The following UST variants were observed in gnomAD, a reference collection of about 807,000 sequenced individuals.
The protein encoded by UST is uronyl 2-sulfotransferase, also known as chondroitin sulfate 2-O-sulfotransferase.
UST carries 21 observed loss-of-function variants against 45.6 expected under a neutral mutation model. The ratio of observed to expected loss-of-function variants is 0.46; its 90% CI spans 0.33 to 0.66. UST has a LOEUF of 0.66. UST is among the 30% of genes least tolerant of loss of function. The pLI, the probability that UST is intolerant of heterozygous loss-of-function variation, is 0.02. For missense variants in UST, 463 were observed against 512.4 expected, an observed-to-expected ratio of 0.90 and a Z score of 0.93; for synonymous variants, 215 against 200.6, an observed-to-expected ratio of 1.07 and a Z score of -0.61.
chr6:149,013,869 G>A (rs1409230453), intron 5 of UST, among the ~76,000 whole-genome samples: 3 of 152,182 alleles, frequency 2.0e-5, no homozygotes, highest in Non-Finnish European at 4.4e-5. Context: ...TCAGTTCAGT[G>A]GCTTTCAGAC....
At chr6:148,768,560 C>T (rs1455248012) in intron 1 of UST, among the ~76,000 whole-genome samples, 5 of 152,060 alleles carry the variant, frequency 3.3e-5, no homozygotes, top group African/African-American at 4.8e-5. Flanking sequence ...TCTATATTTT[C>T]TTCTCATTCT....
intron 3 of UST, among the ~76,000 whole-genome samples, chr6:148,943,942 G>A (rs770040666): frequency 3.9e-5 from 6 of 152,194 alleles, no homozygotes; most frequent in Non-Finnish European, 5.9e-5. Context: ...GGCATGCAGA[G>A]AGAGAAGCCA....
At chr6:148,878,398 G>A (rs1468939960) in intron 1 of UST, among the ~76,000 whole-genome samples, 1 of 108,284 alleles carries the variant, frequency 9.2e-6, no homozygotes, top group African/African-American at 3.6e-5. Context: ...GTACGAGTGC[G>A]GAGATTGTGT....
At chr6:148,780,540 T>A (rs1028019605) in intron 1 of UST, among the ~76,000 whole-genome samples, 2 of 152,200 alleles carry the variant, frequency 1.3e-5, no homozygotes, top group Non-Finnish European at 2.9e-5. Flanking sequence ...CATGTGGTAT[T>A]TGGTTTTCTG....
Position 148,806,483 on chromosome 6 carries a change from C to T in UST, c.247+58806C>T, listed in dbSNP as rs190604556. Reference sequence around the variant, plus strand: ...CCTCTCAAGTAGCTGGGACTACAGGCACACACCACTGGCTTTTTTTTTTTG... The same window carrying T: ...CCTCTCAAGTAGCTGGGACTACAGGTACACACCACTGGCTTTTTTTTTTTG... On this transcript the variant is annotated intron_variant, in intron 1 of 7. Coordinates refer to ENST00000367463, the MANE Select transcript of UST (RefSeq NM_005715.3). 6.2e-4 allele frequency among the ~76,000 whole-genome samples: 90 copies of T among 144,006 alleles called. No individual in the cohort carries two copies. The East Asian group carries it at 0.017, about 27-fold the overall frequency. 94.5% of individuals were successfully genotyped at this position (144,006 alleles called of 152,430 possible).
At chr6:148,955,530 C>G (rs1234535504) in intron 4 of UST, 1 of 152,234 alleles carries the variant, frequency 6.6e-6, no homozygotes, top group African/African-American at 2.4e-5. Context: ...TGCTGGGCAG[C>G]TAGGACTGTG....
intron 1 of UST, among the ~76,000 whole-genome samples, chr6:148,847,652 A>G (rs902713679): frequency 6.6e-6 from 1 of 152,238 alleles, no homozygotes; most frequent in Admixed American, 6.5e-5. Context: ...CAGATGGTCC[A>G]TTAGAATTCT....
chr6:148,844,952 G>T (rs1273738823), intron 1 of UST, among the ~76,000 whole-genome samples: 2 of 152,102 alleles, frequency 1.3e-5, no homozygotes, highest in Non-Finnish European at 2.9e-5. Context: ...AAAGAACATG[G>T]TTTCATTGTT....
intron 1 of UST, among the ~76,000 whole-genome samples, chr6:148,789,546 A>G (rs1318821647): frequency 6.6e-6 from 1 of 151,956 alleles, no homozygotes; most frequent in African/African-American, 2.4e-5. Flanking sequence ...AAATAATGCA[A>G]CATTGAAAAT....
chr6:149,005,238 C>T (rs956135410), intron 5 of UST: 1 of 961,268 alleles, frequency 1.0e-6, no homozygotes, highest in African/African-American at 1.8e-5. Flanking sequence ...CCCCAACAGA[C>T]CCTCTGTGTA....
In UST at chr6:149,012,803, T is replaced by C. The variant is rs1296885636; in HGVS notation, c.682-6336T>C. Among the ~76,000 whole-genome samples the C allele has an allele frequency of 1.5e-4, 13 of 87,324 alleles. No individual in the cohort carries two copies. The East Asian group carries it at 3.7e-3, about 25-fold the overall frequency. The allele number at this position is 87,324 out of a possible 152,430, so 57.3% of individuals were successfully genotyped here. A position where few individuals can be genotyped will look rare whatever the true frequency, so the allele number is the denominator to read the frequency against. On this transcript the variant is annotated intron_variant, in intron 5 of 7. Transcript: ENST00000367463. ...TCTGTGAGTTAGCCAGAGTCACTAT[T>C]TAAAAAAAAAAAAAAAAAAACTATC...
chr6:148,762,150 TAA>T, intron 1 of UST, among the ~76,000 whole-genome samples: 1 of 152,282 alleles, frequency 6.6e-6, no homozygotes, highest in South Asian at 2.1e-4. Context: ...TGCTGCGAGA[TAA>T]AGAGTTTTCC....
chr6:148,889,479 G>T (rs1188251477), intron 2 of UST, among the ~76,000 whole-genome samples: 1 of 152,154 alleles, frequency 6.6e-6, no homozygotes, highest in Non-Finnish European at 1.5e-5. Flanking sequence ...GTCCTGGTAG[G>T]TGTCCTCACC....
At chr6:148,789,724 C>A (rs773272463) in intron 1 of UST, among the ~76,000 whole-genome samples, 1 of 151,560 alleles carries the variant, frequency 6.6e-6, no homozygotes, top group Admixed American at 6.6e-5. Context: ...GTAATTCAGC[C>A]TCTCCTGGAA....
chr6:149,024,543 G>A (rs1776023133), intron 7 of UST, among the ~76,000 whole-genome samples: 1 of 152,038 alleles, frequency 6.6e-6, no homozygotes, highest in African/African-American at 2.4e-5. Flanking sequence ...CAGAGGACAA[G>A]AGATCAACAC....
intron 1 of UST, among the ~76,000 whole-genome samples, chr6:148,812,075 G>A (rs1026386030): frequency 6.6e-6 from 1 of 151,742 alleles, no homozygotes; most frequent in African/African-American, 2.4e-5. Flanking sequence ...TTCTTTCTTT[G>A]TATAGTTCTG....
rs567259084 is a variant in UST, at chr6:148,751,432, AG to A, written c.247+3757del. ...GCAACCGGAAAGCATAGTGTGGGGAAGGACGAGAACAGAGCCACTGATGATG... is the reference window on the plus strand; with the variant it reads ...GCAACCGGAAAGCATAGTGTGGGGAAGACGAGAACAGAGCCACTGATGATG... On this transcript the variant is annotated intron_variant, in intron 1 of 7. Transcript: ENST00000367463. 3.0e-3 allele frequency among the ~76,000 whole-genome samples: 461 copies of A among 152,308 alleles called. 3 individuals carry two copies. Among genetic ancestry groups the A allele is most frequent in the African/African-American group, 0.011 (447 of 41,564 alleles).
chr6:149,007,294 T>C (rs2115009667), intron 5 of UST, among the ~76,000 whole-genome samples: 1 of 148,026 alleles, frequency 6.8e-6, no homozygotes, highest in South Asian at 2.2e-4. Flanking sequence ...CAATTTTTTT[T>C]TTTTTTTTTT....
At chr6:148,751,180 A>G (rs1201498075) in intron 1 of UST, among the ~76,000 whole-genome samples, 1 of 152,242 alleles carries the variant, frequency 6.6e-6, no homozygotes, top group Non-Finnish European at 1.5e-5. Flanking sequence ...CGGGGTGGGT[A>G]GATTTATAAA....
Sources: gnomAD v4.1 joint callset for allele counts (sites outside exome capture counted in the v4.1 genomes callset) on GRCh38, gnomAD v4.1.1 for gene constraint, MANE v1.5 for transcripts, NCBI Gene and HGNC (gene_info 2026-07-23, HGNC 2026-07-21) for gene names.